Variants in SKIC3 observed in about 807,000 individuals in gnomAD.
The protein encoded by SKIC3 is SKI3 subunit of superkiller complex.
the SKIC3 span, among the ~76,000 whole-genome samples, chr5:95,539,094 G>A: frequency 6.6e-6 from 1 of 152,272 alleles, no homozygotes. Context: ...ATCTAGAAGA[G>A]CCTCTGTGAA....
the SKIC3 span, chr5:95,497,381 T>A: frequency 6.5e-6 from 10 of 1,531,500 alleles, 1 homozygote; most frequent in South Asian, 2.3e-5. Context: ...ACAAGTTATT[T>A]TATCTCTTTG....
the SKIC3 span, among the ~76,000 whole-genome samples, chr5:95,475,099 A>G: frequency 7.2e-5 from 11 of 152,168 alleles, no homozygotes; most frequent in Non-Finnish European, 5.9e-5. Flanking sequence ...TATGTCTGCC[A>G]TTTCAGTCAC....
At chr5:95,524,601 C>A in the SKIC3 span, 2,737 of 1,612,876 alleles carry the variant, frequency 1.7e-3, 49 homozygotes, top group African/African-American at 0.033. Context: ...ACTAAGCCAC[C>A]AAAGGGTAAT....
chr5:95,530,168 A>G, the SKIC3 span: 1 of 1,613,684 alleles, frequency 6.2e-7, no homozygotes, highest in Non-Finnish European at 8.5e-7. Context: ...GGCCTGGACC[A>G]CTTTTTGAAT....
the SKIC3 span, among the ~76,000 whole-genome samples, chr5:95,540,328 A>C: frequency 6.6e-6 from 1 of 152,168 alleles, no homozygotes; most frequent in Non-Finnish European, 1.5e-5. Flanking sequence ...GGTGAGGGAC[A>C]AAAGACTATA....
the SKIC3 span, among the ~76,000 whole-genome samples, chr5:95,539,892 A>T: frequency 6.6e-6 from 1 of 151,922 alleles, no homozygotes; most frequent in Non-Finnish European, 1.5e-5. Flanking sequence ...TGATCCAGTA[A>T]TCCCTCTACT....
the SKIC3 span, among the ~76,000 whole-genome samples, chr5:95,533,968 A>G: frequency 0.07 from 10,659 of 152,238 alleles, 444 homozygotes; most frequent in South Asian, 0.14. Flanking sequence ...GTCATTTGGC[A>G]TGTGAGCAAG....
At chr5:95,527,883 T>C in the SKIC3 span, 2 of 948,984 alleles carry the variant, frequency 2.1e-6, no homozygotes, top group African/African-American at 3.3e-5. Context: ...CTTATAAAAG[T>C]GCAGATGTGG....
chr5:95,505,206 T>C, the SKIC3 span, among the ~76,000 whole-genome samples: 1 of 152,200 alleles, frequency 6.6e-6, no homozygotes, highest in East Asian at 1.9e-4. Context: ...TGTTTTTATT[T>C]TTAATGTGTT....
the SKIC3 span, chr5:95,482,737 C>A: frequency 4.9e-6 from 6 of 1,227,198 alleles, no homozygotes; most frequent in East Asian, 2.5e-5. Context: ...AAGGTTTATA[C>A]CTTTTCTTAT....
At chr5:95,509,717 A>T in the SKIC3 span, 1 of 1,395,184 alleles carries the variant, frequency 7.2e-7, no homozygotes. Context: ...TTCATTTTAA[A>T]TATGCCTACT....
chr5:95,523,057 T>G, the SKIC3 span: 3 of 1,135,822 alleles, frequency 2.6e-6, no homozygotes, highest in Non-Finnish European at 3.8e-6. Context: ...TCCACTGCCC[T>G]GCAAACAATA....
the SKIC3 span, chr5:95,512,569 T>C: frequency 6.2e-7 from 1 of 1,613,944 alleles, no homozygotes; most frequent in Non-Finnish European, 8.5e-7. Flanking sequence ...GTTGCTTTTA[T>C]CTTGCAATGT....
the SKIC3 span, chr5:95,525,266 C>T: frequency 2.4e-6 from 2 of 846,574 alleles, no homozygotes; most frequent in South Asian, 3.1e-5. Context: ...CTTTAAAATA[C>T]TAAAACTTAA....
At chr5:95,543,619 A>G in the SKIC3 span, among the ~76,000 whole-genome samples, 4 of 152,184 alleles carry the variant, frequency 2.6e-5, no homozygotes, top group Admixed American at 2.6e-4. Flanking sequence ...GGGTATAAAA[A>G]GAACAATAAC....
the SKIC3 span, chr5:95,525,802 C>A: frequency 9.6e-6 from 8 of 830,446 alleles, no homozygotes; most frequent in Non-Finnish European, 1.6e-5. Context: ...GTCCTGATTT[C>A]TATCACTAAT....
At chr5:95,550,504 T>G in the SKIC3 span, 1 of 152,110 alleles carries the variant, frequency 6.6e-6, no homozygotes, top group Admixed American at 6.6e-5. Context: ...TAAATCTTTC[T>G]TCTGAAAGGA....
the SKIC3 span, chr5:95,523,550 AG>A: frequency 1.5e-6 from 2 of 1,377,252 alleles, no homozygotes; most frequent in African/African-American, 2.9e-5. Context: ...TTGCACCTAT[AG>A]AAAAAAAACT....
chr5:95,545,865 G>C, the SKIC3 span, among the ~76,000 whole-genome samples: 2 of 151,988 alleles, frequency 1.3e-5, no homozygotes, highest in Non-Finnish European at 2.9e-5. Context: ...TGAACACTCT[G>C]GCCTCTCAGT....
Sources: gnomAD v4.1 joint callset for allele counts (sites outside exome capture counted in the v4.1 genomes callset) on GRCh38, gnomAD v4.1.1 for gene constraint, MANE v1.5 for transcripts, NCBI Gene and HGNC (gene_info 2026-07-23, HGNC 2026-07-21) for gene names.